Variants in SHOC1 observed in about 807,000 individuals in gnomAD.
The protein encoded by SHOC1 is shortage in chiasmata 1.
A neutral mutation model predicts 179.2 loss-of-function variants in SHOC1; 136 were observed. The observed-to-expected ratio is 0.76, with a 90% CI of 0.66 to 0.87. The LOEUF (loss-of-function observed/expected upper bound fraction) is 0.87, where lower values mean the gene tolerates loss of function less well. Among genes scored for constraint, SHOC1 ranks in the 40% least tolerant of loss-of-function variants. The pLI is 0.00. For missense variants in SHOC1, 1,538 were observed against 1,700.8 expected (o/e 0.90, Z 1.68); for synonymous variants, 489 against 586.6 (o/e 0.83, Z 2.41).
chr9:111,756,268 G>A, intron 8 of SHOC1, 57 bp downstream of exon 8: 1 of 1,414,584 alleles, frequency 7.1e-7, no homozygotes, highest in Non-Finnish European at 9.4e-7. Flanking sequence ...AAGAACCTAT[G>A]TAACAAACAT....
intron 14 of SHOC1, among the ~76,000 whole-genome samples, chr9:111,723,213 A>C (rs1833148043): frequency 6.6e-6 from 1 of 152,210 alleles, no homozygotes; most frequent in African/African-American, 2.4e-5. Context: ...CAAACAATGA[A>C]AAATTTTTTC....
intron 11 of SHOC1, among the ~76,000 whole-genome samples, chr9:111,739,134 A>G (rs1833927286): frequency 6.6e-6 from 1 of 152,114 alleles, no homozygotes; most frequent in Admixed American, 6.6e-5. Flanking sequence ...TTATAATGAC[A>G]GTAATATTAA....
intron 15 of SHOC1, among the ~76,000 whole-genome samples, chr9:111,720,226 T>C (rs772143007): frequency 5.9e-5 from 9 of 152,252 alleles, no homozygotes; most frequent in Admixed American, 1.3e-4. Context: ...GTCCTCATTT[T>C]GTCTAATATA....
chr9:111,714,709 C>G, intron 16 of SHOC1, 86 bp from the exon 17 acceptor site: 1 of 1,167,230 alleles, frequency 8.6e-7, no homozygotes, highest in Non-Finnish European at 1.2e-6. Context: ...GAAAATAAGT[C>G]AAAGCAGAGA....
intron 7 of SHOC1, among the ~76,000 whole-genome samples, chr9:111,757,433 C>T (rs1165500052): frequency 1.3e-5 from 2 of 152,038 alleles, no homozygotes; most frequent in East Asian, 1.9e-4. Context: ...GCTTTGTGAA[C>T]GCATCTAATC....
At chr9:111,734,311 A>T (rs1288193091) in intron 12 of SHOC1, among the ~76,000 whole-genome samples, 1 of 152,206 alleles carries the variant, frequency 6.6e-6, no homozygotes, top group Non-Finnish European at 1.5e-5. Flanking sequence ...TACAAATCAC[A>T]ATAAAGACTT....
chr9:111,716,552 G>T (rs971991426), intron 16 of SHOC1, among the ~76,000 whole-genome samples: 2 of 151,784 alleles, frequency 1.3e-5, no homozygotes, highest in African/African-American at 4.8e-5. Context: ...CACCACGCCA[G>T]GCTAATTTTT....
At chr9:111,688,458 A>G (rs1444156803) in intron 27 of SHOC1, among the ~76,000 whole-genome samples, 2 of 152,164 alleles carry the variant, frequency 1.3e-5, no homozygotes, top group African/African-American at 4.8e-5. Context: ...CAGTTAACCA[A>G]TACAAAGTGT....
At chr9:111,747,795 G>A (rs1172714853) in intron 9 of SHOC1, among the ~76,000 whole-genome samples, 1 of 152,100 alleles carries the variant, frequency 6.6e-6, no homozygotes, top group Admixed American at 6.6e-5. Flanking sequence ...ATATTGACCA[G>A]GCTGGTCTTG....
intron 10 of SHOC1, among the ~76,000 whole-genome samples, 175 bp from the exon 11 acceptor site, chr9:111,741,745 T>C (rs1053723145): frequency 6.6e-6 from 1 of 152,050 alleles, no homozygotes; most frequent in Non-Finnish European, 1.5e-5. Context: ...GATTTTCCTG[T>C]CTCAGGCTCC....
At chr9:111,765,339 T>C (rs1479708292) in intron 5 of SHOC1, among the ~76,000 whole-genome samples, 1 of 152,180 alleles carries the variant, frequency 6.6e-6, no homozygotes, top group Non-Finnish European at 1.5e-5. Context: ...GGCTGACGCC[T>C]GTAATCCCAG....
At chr9:111,782,463 A>T (rs963846166) in intron 3 of SHOC1, among the ~76,000 whole-genome samples, 1 of 152,100 alleles carries the variant, frequency 6.6e-6, no homozygotes, top group Non-Finnish European at 1.5e-5. Context: ...CAGTCCCATA[A>T]CCATTGCTTT....
chr9:111,755,875 C>T lies in SHOC1; in HGVS notation c.862+450G>A, dbSNP rs61183882. Among the ~76,000 whole-genome samples the T allele has an allele frequency of 7.5e-3, 1,147 of 152,166 alleles. 7 individuals carry two copies. The highest frequency in any genetic ancestry group is 0.027 in the African/African-American group (1,104 of 41,498). ...CAGTGGCTCATGCCTACAATCTTAGCACTTTGGGAGGCCGAGGCGGGCAGA... is the reference window on the plus strand; with the variant it reads ...CAGTGGCTCATGCCTACAATCTTAGTACTTTGGGAGGCCGAGGCGGGCAGA... On this transcript the variant is annotated intron_variant, in intron 8 of 27. Transcript: ENST00000682961.
rs1010572644 is a variant in SHOC1 at position 111,708,116 on chromosome 9, C to T, written c.2489-192G>A. On this transcript the variant is annotated intron_variant, in intron 18 of 27. Transcript: ENST00000682961. ...TGAACCATAACCAATATTTCTCTTG[C>T]GTGTATATATAGAGCATGGAAATTC... Among the ~76,000 whole-genome samples, 6 of 151,520 alleles carry T rather than the reference C, an allele frequency of 4.0e-5. No individual in the cohort carries two copies. In the South Asian group the frequency reaches 6.3e-4, roughly 16 times the overall value.
chr9:111,766,500 A>G (rs1486953655), intron 5 of SHOC1, among the ~76,000 whole-genome samples: 4 of 152,232 alleles, frequency 2.6e-5, no homozygotes, highest in Non-Finnish European at 5.9e-5. Flanking sequence ...ACACTTCCAC[A>G]AATGGTGTAC....
At position 111,758,110 on chromosome 9, in the gene SHOC1, G is replaced by A; in HGVS notation, c.682C>T (p.Leu228=). The change falls in exon 7 of 28, where the codon CTA becomes TTA. Residue 228 remains leucine, a synonymous_variant. Transcript: ENST00000682961. ...MDKVNFCQEK[L]EDTICLNEPS... is the part of the protein sequence containing the mutation. ...TCATTTAAACATATTGTATCTTCTA[G>A]TTTCTCTTGACAAAAGTTCACTTTA... 1 of 1,561,682 alleles carries A rather than the reference G, an allele frequency of 6.4e-7. No homozygotes were observed.
intron 10 of SHOC1, among the ~76,000 whole-genome samples, chr9:111,743,639 C>T (rs945849): frequency 0.8 from 122,156 of 152,156 alleles, 49,220 homozygotes; most frequent in East Asian, 0.92. Flanking sequence ...TTGTTATGGT[C>T]GTTCTATTTT....
chr9:111,703,223 C>T (rs925470354), intron 22 of SHOC1, among the ~76,000 whole-genome samples: 2 of 152,084 alleles, frequency 1.3e-5, no homozygotes, highest in South Asian at 2.1e-4. Context: ...TGTGTTTTTC[C>T]ATCATATAAT....
intron 4 of SHOC1, among the ~76,000 whole-genome samples, chr9:111,779,988 C>T (rs1205245807): frequency 1.3e-5 from 2 of 152,218 alleles, no homozygotes; most frequent in Non-Finnish European, 2.9e-5. Context: ...TCTGCTTCCT[C>T]GCTGCTAGGA....
Sources: allele counts gnomAD v4.1 joint callset (sites outside exome capture counted in the v4.1 genomes callset), GRCh38; gene constraint gnomAD v4.1.1; transcripts MANE v1.5; gene names NCBI Gene and HGNC (gene_info 2026-07-23, HGNC 2026-07-21).